KYNU: variants seen among roughly 807,000 people sequenced by gnomAD.
KYNU encodes the protein kynureninase, also known as L-kynurenine hydrolase.
KYNU carries 54 observed loss-of-function variants against 59.2 expected under a neutral mutation model. That is an observed-to-expected ratio of 0.91 (90% CI 0.73 to 1.14). KYNU has a LOEUF of 1.14. Among genes scored for constraint, KYNU ranks in the 50% most tolerant of loss-of-function variants. The pLI is 0.00. For synonymous variants in KYNU, 177 were observed against 192.0 expected, an observed-to-expected ratio of 0.92 and a Z score of 0.65; for missense variants, 567 against 554.4, an observed-to-expected ratio of 1.02 and a Z score of -0.23.
intron 4 of KYNU, among the ~76,000 whole-genome samples, chr2:142,943,895 A>G (rs1403385791): frequency 6.6e-6 from 1 of 151,658 alleles, no homozygotes; most frequent in Non-Finnish European, 1.5e-5. Flanking sequence ...TAACATTTGC[A>G]TCTGCTTAAT....
intron 10 of KYNU, among the ~76,000 whole-genome samples, chr2:143,028,937 G>A (rs764481022): frequency 2.6e-5 from 4 of 152,104 alleles, no homozygotes; most frequent in Non-Finnish European, 5.9e-5. Context: ...TTCAACAATT[G>A]TATGGGCTTT....
chr2:142,916,086 G>C (rs1016409084), intron 2 of KYNU, among the ~76,000 whole-genome samples: 3 of 152,076 alleles, frequency 2.0e-5, no homozygotes, highest in Non-Finnish European at 2.9e-5. Context: ...GTCAACACTT[G>C]ATTTTGGACT....
intron 2 of KYNU, among the ~76,000 whole-genome samples, chr2:142,904,179 C>T (rs777879062): frequency 3.9e-5 from 6 of 152,244 alleles, no homozygotes; most frequent in Non-Finnish European, 7.3e-5. Context: ...TTTGCTTCCT[C>T]AATGCCTCCC....
intron 12 of KYNU, among the ~76,000 whole-genome samples, chr2:143,035,029 T>C (rs1387916324): frequency 6.6e-6 from 1 of 152,230 alleles, no homozygotes; most frequent in Admixed American, 6.5e-5. Flanking sequence ...ATTCCTATTC[T>C]TCCAGCCACT....
At chr2:143,041,074 ATTAAG>A (rs983533282) in intron 13 of KYNU, among the ~76,000 whole-genome samples, 3 of 152,084 alleles carry the variant, frequency 2.0e-5, no homozygotes, top group Admixed American at 1.3e-4. Flanking sequence ...GCTTGATCAA[ATTAAG>A]TTATTTTCAA....
At chr2:143,005,110 TA>T (rs1252142536) in intron 10 of KYNU, among the ~76,000 whole-genome samples, 1 of 152,218 alleles carries the variant, frequency 6.6e-6, no homozygotes, top group Non-Finnish European at 1.5e-5. Context: ...TGGAAAGATC[TA>T]CCCTGTAGTG....
At chr2:142,998,609 G>C (rs2105182009) in intron 10 of KYNU, among the ~76,000 whole-genome samples, 1 of 152,230 alleles carries the variant, frequency 6.6e-6, no homozygotes, top group Admixed American at 6.5e-5. Context: ...CAAGTGTCTA[G>C]GATCATGCAT....
At chr2:143,026,765 C>T (rs1686584564) in intron 10 of KYNU, among the ~76,000 whole-genome samples, 1 of 149,616 alleles carries the variant, frequency 6.7e-6, no homozygotes, top group Non-Finnish European at 1.5e-5. Context: ...CCGCAGTCCG[C>T]ATTAGTGTTA....
chr2:142,983,049 C>A (rs1036593452), intron 8 of KYNU, among the ~76,000 whole-genome samples: 1 of 152,020 alleles, frequency 6.6e-6, no homozygotes, highest in African/African-American at 2.4e-5. Flanking sequence ...TGTCTTAAAA[C>A]AATAACCATT....
Position 143,044,947 on chromosome 2 carries a change from G to GT in KYNU, c.*2785dup, listed in dbSNP as rs147141652. On this transcript the variant is annotated 3_prime_UTR_variant, in exon 14 of 14. Transcript: ENST00000264170. ...GGTATTGCCTAGATATTCTTCTAGG[G>GT]TTTTTTTTTTGGCTTTAGGTCTTGC... 0.48 allele frequency: 71,209 copies of GT among 148,736 alleles called. 17,439 individuals are homozygous for GT. The highest frequency in any genetic ancestry group is 0.58 in the Middle Eastern group (160 of 278). 9.2% of individuals were successfully genotyped at this position (148,736 alleles called of 1,614,324 possible).
intron 4 of KYNU, among the ~76,000 whole-genome samples, chr2:142,932,457 TTGTC>T (rs2105027576): frequency 1.3e-5 from 2 of 152,162 alleles, no homozygotes; most frequent in South Asian, 4.2e-4. Context: ...CGATATGTGA[TTGTC>T]TGGGGTTTGG....
chr2:142,989,703 G>A (rs1685337877), intron 10 of KYNU: 1 of 165,724 alleles, frequency 6.0e-6, no homozygotes, highest in African/African-American at 2.4e-5. Context: ...AAATTGGAAG[G>A]AAACCTGAGG....
At position 142,960,756 on chromosome 2, in the gene KYNU, G is replaced by T. The variant is rs1262438307; in HGVS notation, c.715G>T (p.Ala239Ser). 6.2e-7 allele frequency: 1 copy of T among 1,613,976 alleles called. No individual in the cohort carries two copies. Among genetic ancestry groups the T allele is most frequent in the Admixed American group, 1.7e-5 (1 of 60,014 alleles). The stretch of plus-strand genomic sequence containing the variant: ...CTTTAATATTCCTGCCATCACAAAA[G>T]CTGGACAAGCGAAGGTATGCACGCC... ...QHFNIPAITK[A>S]GQAKGCYVGF... Residue 239 changes from alanine (A) to serine (S), a missense_variant, in exon 8 of 14, where the codon GCT becomes TCT. By Grantham distance (99) the Ala-to-Ser change is moderately conservative. Coordinates refer to ENST00000264170, the MANE Select transcript of KYNU (RefSeq NM_003937.3).
chr2:142,878,722 A>C (rs1167248274), intron 1 of KYNU, among the ~76,000 whole-genome samples: 2 of 152,208 alleles, frequency 1.3e-5, no homozygotes, highest in Non-Finnish European at 2.9e-5. Flanking sequence ...TTTTTACTTT[A>C]AAGTTGTAGC....
rs180957833 is a variant in KYNU, at chr2:142,957,626, A to G, written c.508-15A>G. 398 of 1,511,272 alleles carry G rather than the reference A, an allele frequency of 2.6e-4. No individual in the cohort carries two copies. In the African/African-American group the frequency reaches 4.3e-3, roughly 16 times the overall value. The allele number at this position is 1,511,272 out of a possible 1,614,324, so 93.6% of individuals were successfully genotyped here. ...CTCAGCTTGATTTGATAAATACATC[A>G]TCTTTCCTTTTTAGTATGCTATTGA... is the stretch of plus-strand genomic sequence containing the variant. On this transcript the variant is annotated splice_polypyrimidine_tract_variant and intron_variant, in intron 6 of 13. Transcript: ENST00000264170.
rs780355270 is a variant in KYNU at position 142,913,195 on chromosome 2, G to A, written c.170-5414G>A. On this transcript the variant is annotated intron_variant, in intron 2 of 13. Transcript: ENST00000264170. ...TTATGAATATTTAGGAGTTGATTTC[G>A]TTTTCTCCTTTGATTTCAGTTATTT... Among the ~76,000 whole-genome samples the A allele has an allele frequency of 3.9e-5, 6 of 151,944 alleles. No homozygotes were observed. The East Asian group carries it at 5.8e-4, about 15-fold the overall frequency.
At chr2:143,037,264 A>G (rs1686917196) in intron 12 of KYNU, among the ~76,000 whole-genome samples, 1 of 152,174 alleles carries the variant, frequency 6.6e-6, no homozygotes, top group Non-Finnish European at 1.5e-5. Context: ...TATTTGCCTT[A>G]TTTTTTAAAG....
rs7595058 is a variant in KYNU at position 143,018,035 on chromosome 2, T to C, written c.903-11592T>C. On this transcript the variant is annotated intron_variant, in intron 10 of 13. Transcript: ENST00000264170. ...GCTTAAGTTCCCTATAGATTCTGGA[T>C]ATTAGAACTTTGTCAGATGCATAGT... is the stretch of plus-strand genomic sequence containing the variant. Among the ~76,000 whole-genome samples, 966 of 152,324 alleles carry C rather than the reference T, an allele frequency of 6.3e-3. 8 individuals carry two copies. Among genetic ancestry groups the C allele is most frequent in the African/African-American group, 0.021 (884 of 41,556 alleles).
At chr2:142,944,336 C>T (rs937018718) in intron 4 of KYNU, among the ~76,000 whole-genome samples, 1 of 152,156 alleles carries the variant, frequency 6.6e-6, no homozygotes, top group Non-Finnish European at 1.5e-5. Flanking sequence ...AATGCAGTTG[C>T]TTGCATTTAA....
Sources: gnomAD v4.1 joint callset for allele counts (sites outside exome capture counted in the v4.1 genomes callset) on GRCh38, gnomAD v4.1.1 for gene constraint, MANE v1.5 for transcripts, NCBI Gene and HGNC (gene_info 2026-07-23, HGNC 2026-07-21) for gene names.